Variants in NBPF20 observed in about 807,000 individuals in gnomAD.
NBPF20 encodes the protein NBPF member 20, also known as NBPF family member NBPF20.
Under a neutral mutation model 68.1 loss-of-function variants are expected in NBPF20, and 90 were observed. That is an observed-to-expected ratio of 1.32 (90% CI 1.11 to 1.58). The LOEUF (loss-of-function observed/expected upper bound fraction) is 1.58. Ranked by LOEUF, NBPF20 falls within the 40% of genes most tolerant of loss-of-function variation. NBPF20 has a pLI of 0.00. For missense variants in NBPF20, 816 were observed against 601.2 expected (o/e 1.36, Z -3.74); for synonymous variants, 290 against 228.1 (o/e 1.27, Z -2.45).
At chr1:145,393,465 A>ACACG (rs1361729647) in intron 9 of NBPF20, among the ~76,000 whole-genome samples, 1 of 140,382 alleles carries the variant, frequency 7.1e-6, no homozygotes, top group Non-Finnish European at 1.6e-5. Flanking sequence ...ACAAACACAC[A>ACACG]CACACACACA....
chr1:145,409,565 T>C (rs1662926989), upstream of NBPF20, among the ~76,000 whole-genome samples: 2 of 146,350 alleles, frequency 1.4e-5, no homozygotes, highest in Admixed American at 1.4e-4. Context: ...AGGAGCCATT[T>C]AGTATTAAAC....
chr1:145,410,562 C>T (rs1164980881), upstream of NBPF20, among the ~76,000 whole-genome samples: 2 of 150,888 alleles, frequency 1.3e-5, no homozygotes, highest in African/African-American at 2.4e-5. Context: ...ATCCGCCCGC[C>T]TCGGCCTCCC....
intron 129 of NBPF20, among the ~76,000 whole-genome samples, chr1:145,298,359 C>T (rs1558964463): frequency 6.9e-6 from 1 of 144,042 alleles, no homozygotes; most frequent in Non-Finnish European, 1.5e-5. Context: ...CACACACAGA[C>T]ACACACACAC....
intron 115 of NBPF20, among the ~76,000 whole-genome samples, 165 bp from the exon 121 acceptor site, chr1:145,309,413 A>G (rs1661444297): frequency 8.2e-5 from 2 of 24,250 alleles, no homozygotes; most frequent in Non-Finnish European, 8.5e-5. Flanking sequence ...GAACAGGGCC[A>G]AATGGAAAAG....
chr1:145,411,449 T>C, the NBPF20 span, among the ~76,000 whole-genome samples: 1 of 118,574 alleles, frequency 8.4e-6, no homozygotes, highest in Admixed American at 8.8e-5. Context: ...TGGAGTGCAG[T>C]GATGCGATCT....
intron 4 of NBPF20, among the ~76,000 whole-genome samples, chr1:145,401,590 T>C (rs1662526454): frequency 7.5e-6 from 1 of 133,478 alleles, no homozygotes; most frequent in African/African-American, 2.7e-5. Context: ...TTCAGGGACA[T>C]TCTATCCATG....
the NBPF20 span, among the ~76,000 whole-genome samples, chr1:145,424,709 AAGAC>A: frequency 1.6e-4 from 24 of 152,256 alleles, no homozygotes; most frequent in Admixed American, 2.0e-4. Context: ...ACAAGCCAGA[AAGAC>A]AGACAGACAC....
upstream of NBPF20, among the ~76,000 whole-genome samples, chr1:145,406,613 C>A (rs1345249670): frequency 6.6e-6 from 1 of 150,428 alleles, no homozygotes; most frequent in East Asian, 1.9e-4. Context: ...TATTTTCAGT[C>A]TTTTAAACTA....
chr1:145,290,328 A>T (rs1558958510), exon 138 of NBPF20: 2 of 149,410 alleles, frequency 1.3e-5, no homozygotes, highest in African/African-American at 2.6e-5. Flanking sequence ...ACCCCTCCTT[A>T]ACCAAGTAAC....
At chr1:145,290,659 C>CT (rs1431333831) in exon 138 of NBPF20, 2 of 151,330 alleles carry the variant, frequency 1.3e-5, no homozygotes, top group East Asian at 1.9e-4. Context: ...ATCTCTTCTC[C>CT]TTTTTGTTGT....
Position 145,292,448 on chromosome 1 carries a change from T to C in NBPF20, c.16630A>G (p.Arg5544Gly), listed in dbSNP as rs1553658232. 4 of 713,458 alleles carry C rather than the reference T, an allele frequency of 5.6e-6. No homozygotes were observed. The South Asian group carries it at 5.9e-5, about 10-fold the overall frequency. 44.2% of individuals were successfully genotyped at this position (713,458 alleles called of 1,614,324 possible). A position where few individuals can be genotyped will look rare whatever the true frequency, so the allele number is the denominator to read the frequency against. Residue 5544 changes from arginine to glycine, a missense_variant, in exon 137 of 138, where the codon AGA (arginine) becomes GGA (glycine). By Grantham distance (125) the Arg-to-Gly change is moderately radical. Coordinates refer to ENST00000369373, the Ensembl canonical transcript of NBPF20. ...CCCCTTCTTCTTTTCTTCTTTGATC[T>C]TCTTCCCCTTCTTTTCTTCCCCTTC...
intron 7 of NBPF20, among the ~76,000 whole-genome samples, chr1:145,397,850 CAG>C (rs1291736513): frequency 2.6e-5 from 4 of 152,144 alleles, no homozygotes; most frequent in South Asian, 2.1e-4. Context: ...ATCTCACATG[CAG>C]AGACACACAT....
intron 13 of NBPF20, among the ~76,000 whole-genome samples, chr1:145,390,395 T>A (rs1661949463): frequency 4.8e-5 from 2 of 42,102 alleles, no homozygotes; most frequent in Non-Finnish European, 7.6e-5. Context: ...GCTCAGTGAA[T>A]TGTCCAGGTG....
intron 8 of NBPF20, 137 bp from the exon 14 acceptor site, chr1:145,394,072 A>T (rs1217144211): frequency 3.7e-5 from 25 of 674,158 alleles, no homozygotes; most frequent in Non-Finnish European, 6.7e-5. Context: ...GAAATATTCC[A>T]GTAGGCCTGA....
chr1:145,411,149 T>TA, the NBPF20 span, among the ~76,000 whole-genome samples: 1 of 145,706 alleles, frequency 6.9e-6, no homozygotes, highest in African/African-American at 2.5e-5. Context: ...CATTACCATA[T>TA]AAATGGTAGA....
At chr1:145,291,733 T>G (rs1661109704) in exon 138 of NBPF20, 15 of 1,611,906 alleles carry the variant, frequency 9.3e-6, no homozygotes, top group Non-Finnish European at 1.2e-5. Flanking sequence ...CCTGTAAGAC[T>G]TCAGGCTCTT....
At chr1:145,291,939 G>C (rs1266951374) in intron 137 of NBPF20, among the ~76,000 whole-genome samples, 170 bp from the exon 143 acceptor site, 11 of 151,546 alleles carry the variant, frequency 7.3e-5, no homozygotes, top group East Asian at 1.9e-4. Flanking sequence ...AACAGGGCCA[G>C]GTAGAAAACA....
chr1:145,400,295 T>C (rs2101569712), intron 6 of NBPF20, 94 bp downstream of exon 11: 1 of 1,598,482 alleles, frequency 6.3e-7, no homozygotes, highest in South Asian at 1.1e-5. Context: ...CACAGTTTTT[T>C]ATTCAAATGA....
the NBPF20 span, among the ~76,000 whole-genome samples, chr1:145,417,539 G>A: frequency 4.0e-5 from 6 of 148,606 alleles, no homozygotes; most frequent in African/African-American, 9.9e-5. Flanking sequence ...TCACAGACTG[G>A]GAGAAAATAT....
Sources: allele counts gnomAD v4.1 joint callset (sites outside exome capture counted in the v4.1 genomes callset), GRCh38; gene constraint gnomAD v4.1.1; transcripts MANE v1.5; gene names NCBI Gene and HGNC (gene_info 2026-07-23, HGNC 2026-07-21).